The following CPSF3 variants were observed in gnomAD, a reference collection of about 807,000 sequenced individuals.
CPSF3 encodes cleavage and polyadenylation specific factor 3, also known as cleavage and polyadenylation specificity factor subunit 3.
A neutral mutation model predicts 84.1 loss-of-function variants in CPSF3; 57 were observed. The ratio of observed to expected loss-of-function variants is 0.68; its 90% CI spans 0.55 to 0.85. The LOEUF (loss-of-function observed/expected upper bound fraction) is 0.85. CPSF3 is among the 40% of genes least tolerant of loss of function. The pLI is 0.00. For missense variants in CPSF3, 522 were observed against 838.8 expected (o/e 0.62, Z 4.66); for synonymous variants, 275 against 278.1 (o/e 0.99, Z 0.11).
At chr2:9,444,158 A>ATATATTT (rs1216393477) in intron 10 of CPSF3, among the ~76,000 whole-genome samples, 3 of 123,178 alleles carry the variant, frequency 2.4e-5, no homozygotes, top group South Asian at 2.4e-4. Context: ...ATATATATAT[A>ATATATTT]TTTTTTTTTT....
rs1028428773 is a variant in CPSF3, at chr2:9,452,815, A to G, written c.1396-98A>G. ...AATCCATATGTTGTTTTCATAGTTC[A>G]AAGGTGTTATGGTCTTCATTATGAT... On this transcript the variant is annotated intron_variant, in intron 11 of 17. Coordinates refer to ENST00000238112, the MANE Select transcript of CPSF3 (RefSeq NM_016207.4). The G allele has an allele frequency of 4.2e-5, 30 of 718,656 alleles. No individual in the cohort carries two copies. The African/African-American group carries it at 5.0e-4, about 12-fold the overall frequency. The allele number at this position is 718,656 out of a possible 1,614,324, so 44.5% of individuals were successfully genotyped here.
intron 7 of CPSF3, among the ~76,000 whole-genome samples, chr2:9,436,774 A>AAAAAAAAAAATAAAAATAAT (rs139337028): frequency 7.0e-6 from 1 of 143,000 alleles, no homozygotes; most frequent in Non-Finnish European, 1.5e-5. Context: ...CCATCTCAAA[A>AAAAAAAAAAATAAAAATAAT]AATAATAATA....
chr2:9,466,358 A>C (rs13015365), intron 15 of CPSF3, among the ~76,000 whole-genome samples: 3 of 142,382 alleles, frequency 2.1e-5, no homozygotes, highest in Non-Finnish European at 4.5e-5. Flanking sequence ...GCGCGCACAC[A>C]CACACGCACA....
intron 7 of CPSF3, among the ~76,000 whole-genome samples, chr2:9,440,096 A>G (rs1420292970): frequency 6.6e-6 from 1 of 152,210 alleles, no homozygotes; most frequent in African/African-American, 2.4e-5. Flanking sequence ...TGTTTGAAAT[A>G]TTAATAATAC....
intron 1 of CPSF3, chr2:9,424,387 T>G (rs1346817646): frequency 2.0e-6 from 1 of 495,118 alleles, no homozygotes; most frequent in Non-Finnish European, 2.6e-6. Flanking sequence ...TGCAGAGGTG[T>G]TAGGGACAAA....
Position 9,471,365 on chromosome 2 carries a change from G to GT in CPSF3, c.1880dup (p.Ser628LysfsTer5), listed in dbSNP as rs1682156763. On this transcript the variant is annotated frameshift_variant, in exon 17 of 18. Coordinates refer to ENST00000238112, the MANE Select transcript of CPSF3 (RefSeq NM_016207.4). LOFTEE classifies it high-confidence loss of function. ...CAGGGACATATTTGGAGAAGACTGT[G>GT]TAAGTGTAAAGGATGACTCTATTCT... 3 of 1,611,146 alleles carry GT rather than the reference G, an allele frequency of 1.9e-6. No homozygotes were observed. The highest frequency in any genetic ancestry group is 2.5e-6 in the Non-Finnish European group (3 of 1,177,298).
chr2:9,439,129 CA>C (rs1465895195), intron 7 of CPSF3, among the ~76,000 whole-genome samples: 8 of 152,024 alleles, frequency 5.3e-5, no homozygotes, highest in Admixed American at 4.6e-4. Context: ...ATGCATGTGA[CA>C]GAAAGTCTTT....
At position 9,466,426 on chromosome 2, in the gene CPSF3, ACACACGCG is replaced by A. The variant is rs1558466909; in HGVS notation, c.1787-1275_1787-1268del. ...CGCACGCGCACACACGCACACGCGC[ACACACGCG>A]CACACACACAAAATTAGCTGGGCAT... On this transcript the variant is annotated intron_variant, in intron 15 of 17. Transcript: ENST00000238112. 2.8e-3 allele frequency among the ~76,000 whole-genome samples: 405 copies of A among 144,140 alleles called. 2 individuals carry two copies. The highest frequency in any genetic ancestry group is 0.011 in the African/African-American group (389 of 35,778). 94.6% of individuals were successfully genotyped at this position (144,140 alleles called of 152,430 possible). A position where few individuals can be genotyped will look rare whatever the true frequency, so the allele number is the denominator to read the frequency against.
intron 11 of CPSF3, among the ~76,000 whole-genome samples, chr2:9,448,952 C>G (rs1447362412): frequency 3.3e-5 from 5 of 152,214 alleles, no homozygotes; most frequent in Admixed American, 3.3e-4. Context: ...CTGTTTGTTA[C>G]TGTTTGTTAC....
Position 9,467,702 on chromosome 2 carries a change from C to G in CPSF3, c.1787-5C>G. The G allele has an allele frequency of 2.9e-6, 4 of 1,366,528 alleles. No individual in the cohort carries two copies. Among genetic ancestry groups the G allele is most frequent in the Non-Finnish European group, 2.0e-6 (2 of 997,322 alleles). 84.7% of individuals were successfully genotyped at this position (1,366,528 alleles called of 1,614,324 possible). On this transcript the variant is annotated splice_region_variant and splice_polypyrimidine_tract_variant and intron_variant, in intron 15 of 17. Transcript: ENST00000238112. ...TGAACTCTCTGTCGCTTTTTTTTTT[C>G]CCAGGTGCAGTACAGAAGGTTTCTA... is the stretch of plus-strand genomic sequence containing the variant.
At chr2:9,433,756 C>G in intron 5 of CPSF3, 115 bp from the exon 6 acceptor site, 1 of 682,288 alleles carries the variant, frequency 1.5e-6, no homozygotes, top group South Asian at 1.8e-5. Flanking sequence ...TAAATTTCAT[C>G]AGTTTTAGAC....
chr2:9,431,530 T>TATA (rs59295636), intron 4 of CPSF3, among the ~76,000 whole-genome samples: 84 of 126,910 alleles, frequency 6.6e-4, no homozygotes, highest in African/African-American at 1.9e-3. Flanking sequence ...AATATACATA[T>TATA]TTTTTTTTTC....
chr2:9,441,648 C>A, intron 8 of CPSF3, 170 bp from the exon 9 acceptor site: 1 of 668,076 alleles, frequency 1.5e-6, no homozygotes, highest in Non-Finnish European at 2.5e-6. Context: ...CATTCCTAGC[C>A]TAAACTGTTT....
intron 16 of CPSF3, among the ~76,000 whole-genome samples, chr2:9,468,420 T>G (rs1682047124): frequency 6.6e-6 from 1 of 152,012 alleles, no homozygotes; most frequent in South Asian, 2.1e-4. Context: ...AGACAGGGAC[T>G]TCCTATGTTG....
chr2:9,473,050 C>T lies in CPSF3; in HGVS notation c.*33C>T, dbSNP rs376289651. The T allele has an allele frequency of 2.8e-6, 4 of 1,450,370 alleles. No homozygotes were observed. The highest frequency in any genetic ancestry group is 2.8e-5 in the African/African-American group (2 of 70,916). The allele number at this position is 1,450,370 out of a possible 1,614,324, so 89.8% of individuals were successfully genotyped here. Reference sequence around the variant, plus strand: ...CCTGTATATGAACTTTGAAAAAATACTTGACTCTACTTTTGTTACCTAAAA... The same window carrying T: ...CCTGTATATGAACTTTGAAAAAATATTTGACTCTACTTTTGTTACCTAAAA... On this transcript the variant is annotated 3_prime_UTR_variant, in exon 18 of 18. Transcript: ENST00000238112.
At chr2:9,452,325 C>CAAA (rs58267919) in intron 11 of CPSF3, among the ~76,000 whole-genome samples, 1 of 72,800 alleles carries the variant, frequency 1.4e-5, no homozygotes, top group Non-Finnish European at 3.4e-5. Context: ...GACACTGTCT[C>CAAA]AAAAAAAAAA....
In CPSF3 at chr2:9,452,752, T is replaced by C. The variant is rs186480416; in HGVS notation, c.1396-161T>C. On this transcript the variant is annotated intron_variant, in intron 11 of 17. Transcript: ENST00000238112. ...ATTGGTAGCAATGCAACTGCCCTCA[T>C]CATAGAGATATCAAACATTTTATGT... 8.5e-5 allele frequency among the ~76,000 whole-genome samples: 13 copies of C among 152,342 alleles called. No individual in the cohort carries two copies. In the East Asian group the frequency reaches 2.3e-3, roughly 27 times the overall value.
chr2:9,444,152 A>G (rs1469876779), intron 10 of CPSF3, among the ~76,000 whole-genome samples: 2 of 141,366 alleles, frequency 1.4e-5, no homozygotes, highest in East Asian at 3.9e-4. Context: ...ATATATATAT[A>G]TATATATTTT....
At chr2:9,453,054 C>A in intron 12 of CPSF3, 33 bp downstream of exon 12, 1 of 1,278,424 alleles carries the variant, frequency 7.8e-7, no homozygotes, top group Non-Finnish European at 1.1e-6. Flanking sequence ...AATCCAACTT[C>A]ACCTTAGCAC....
Sources: gnomAD v4.1 joint callset for allele counts (sites outside exome capture counted in the v4.1 genomes callset) on GRCh38, gnomAD v4.1.1 for gene constraint, MANE v1.5 for transcripts, NCBI Gene and HGNC (gene_info 2026-07-23, HGNC 2026-07-21) for gene names.